GPAM: variants seen among roughly 807,000 people sequenced by gnomAD.
The protein encoded by GPAM is glycerol-3-phosphate acyltransferase 1, mitochondrial.
A neutral mutation model predicts 105.0 loss-of-function variants in GPAM; 56 were observed. That is an observed-to-expected ratio of 0.53 (90% CI 0.43 to 0.67). GPAM has a LOEUF of 0.67. GPAM is among the 30% of genes least tolerant of loss of function. GPAM has a pLI of 0.00. For missense variants in GPAM, 855 were observed against 989.8 expected, an observed-to-expected ratio of 0.86 and a Z score of 1.83; for synonymous variants, 368 against 354.4, an observed-to-expected ratio of 1.04 and a Z score of -0.43.
At chr10:112,204,823 C>T (rs1047843105) in intron 1 of GPAM, among the ~76,000 whole-genome samples, 3 of 143,540 alleles carry the variant, frequency 2.1e-5, no homozygotes, top group African/African-American at 2.6e-5. Flanking sequence ...CCAGGGCAAT[C>T]AGGCAGGAGA....
chr10:112,185,571 GACAC>G (rs55812271), upstream of GPAM, among the ~76,000 whole-genome samples: 7,046 of 143,464 alleles, frequency 0.049, 214 homozygotes, highest in Admixed American at 0.095. Context: ...CACACACACA[GACAC>G]ACACACACAC....
At chr10:112,206,561 T>C (rs1417647558) in intron 1 of GPAM, among the ~76,000 whole-genome samples, 5 of 122,658 alleles carry the variant, frequency 4.1e-5, no homozygotes, top group Non-Finnish European at 6.6e-5. Flanking sequence ...CAGTAAACTA[T>C]CGCAAGAACA....
chr10:112,165,639 G>A (rs947996315), intron 12 of GPAM, among the ~76,000 whole-genome samples: 1 of 152,092 alleles, frequency 6.6e-6, no homozygotes, highest in Admixed American at 6.5e-5. Flanking sequence ...GCAGTGAGCT[G>A]AGATTTCGCC....
rs571755745 is a variant in GPAM, at chr10:112,152,360, C to T, written c.*1190G>A. 2.1e-4 allele frequency: 207 copies of T among 984,682 alleles called. No homozygotes were observed. In the African/African-American group the frequency reaches 3.3e-3, roughly 16 times the overall value. The allele number at this position is 984,682 out of a possible 1,614,324, so 61.0% of individuals were successfully genotyped here. A position where few individuals can be genotyped will look rare whatever the true frequency, so the allele number is the denominator to read the frequency against. On this transcript the variant is annotated 3_prime_UTR_variant, in exon 22 of 22. Transcript: ENST00000348367. ...CAGACCATTTTTCATAATTATTTACCACTATGTGGCATAAGGGTTTAGGCA... is the reference window on the plus strand; with the variant it reads ...CAGACCATTTTTCATAATTATTTACTACTATGTGGCATAAGGGTTTAGGCA...
intron 1 of GPAM, among the ~76,000 whole-genome samples, chr10:112,195,683 T>C (rs527559707): frequency 6.6e-6 from 1 of 152,246 alleles, no homozygotes; most frequent in Admixed American, 6.5e-5. Flanking sequence ...CATTCTTGAC[T>C]TTTCCCCTAC....
chr10:112,175,628 C>A lies in GPAM; in HGVS notation c.385G>T (p.Val129Leu), dbSNP rs1192859285. ...CTGCTGTTCAGCACATTTTCAGTCA[C>A]ATTGGTGGCAAACATGCCCTTATGC... ...DVHKGMFATNVTENVLNSSRV... is the reference protein window; with the variant it reads ...DVHKGMFATNLTENVLNSSRV... Residue 129 changes from valine (V) to leucine (L), a missense_variant, in exon 6 of 22, where the codon GTG (valine) becomes TTG (leucine). By Grantham distance (32) the Val-to-Leu change is conservative. Coordinates refer to ENST00000348367, the MANE Select transcript of GPAM (RefSeq NM_001244949.2). 6.2e-7 allele frequency: 1 copy of A among 1,609,452 alleles called. No individual in the cohort carries two copies. The highest frequency in any genetic ancestry group is 1.3e-5 in the African/African-American group (1 of 74,816).
upstream of GPAM, among the ~76,000 whole-genome samples, chr10:112,185,443 G>T (rs540467951): frequency 6.2e-4 from 90 of 145,400 alleles, no homozygotes; most frequent in Non-Finnish European, 1.1e-3. Context: ...TCAACAAGTA[G>T]AAAAAATAAA....
intron 3 of GPAM, 28 bp from the exon 4 acceptor site, chr10:112,180,623 T>C: frequency 1.3e-6 from 2 of 1,594,608 alleles, no homozygotes; most frequent in Non-Finnish European, 1.7e-6. Flanking sequence ...AAAAATATAG[T>C]TTCTAAATGG....
chr10:112,202,257 T>C (rs2133296247), intron 1 of GPAM, among the ~76,000 whole-genome samples: 1 of 152,374 alleles, frequency 6.6e-6, no homozygotes, highest in Middle Eastern at 3.4e-3. Flanking sequence ...ATCGATGTGC[T>C]GTGTGCCAAT....
upstream of GPAM, among the ~76,000 whole-genome samples, chr10:112,219,037 C>T (rs1847996651): frequency 6.6e-6 from 1 of 152,164 alleles, no homozygotes; most frequent in Non-Finnish European, 1.5e-5. Flanking sequence ...GAATGCCTAA[C>T]CTCTTGGGAA....
intron 1 of GPAM, among the ~76,000 whole-genome samples, chr10:112,200,855 T>C (rs1847789373): frequency 6.6e-6 from 1 of 152,216 alleles, no homozygotes; most frequent in African/African-American, 2.4e-5. Flanking sequence ...CAACTGATTA[T>C]ATCTAAGGCC....
At position 112,173,066 on chromosome 10, in the gene GPAM, T is replaced by G; in HGVS notation, c.561A>C (p.Arg187Ser). 6.4e-7 allele frequency: 1 copy of G among 1,571,382 alleles called. No individual in the cohort carries two copies. The highest frequency in any genetic ancestry group is 8.8e-7 in the Non-Finnish European group (1 of 1,141,198). Residue 187 changes from arginine (R) to serine (S), a missense_variant and splice_region_variant, in exon 8 of 22, where the codon AGA becomes AGC. By Grantham distance (110) the Arg-to-Ser change is moderately radical (BLOSUM62 -1). Coordinates refer to ENST00000348367, the MANE Select transcript of GPAM (RefSeq NM_001244949.2). ...GTTTTAGCAGCACCCACCCAGTCAG[T>G]CTGAAACAAAGTACAAACAAAAAAA... ...MVATVSPAMI[R>S]LTGWVLLKLF...
chr10:112,153,874 T>A (rs1016750705), intron 21 of GPAM: 12 of 506,364 alleles, frequency 2.4e-5, no homozygotes, highest in African/African-American at 1.9e-4. Context: ...TTTCTATTTT[T>A]TTTTTTTTGT....
chr10:112,191,002 C>T (rs890475115), intron 1 of GPAM, among the ~76,000 whole-genome samples: 1 of 152,172 alleles, frequency 6.6e-6, no homozygotes, highest in African/African-American at 2.4e-5. Flanking sequence ...TGTGGCCAAA[C>T]ATCACGGCTT....
At position 112,178,075 on chromosome 10, in the gene GPAM, A is replaced by T. The variant is rs1013630189; in HGVS notation, c.226-18T>A. 1.5e-6 allele frequency: 2 copies of T among 1,348,578 alleles called. No individual in the cohort carries two copies. Among genetic ancestry groups the T allele is most frequent in the Admixed American group, 3.4e-5 (2 of 59,622 alleles). The allele number at this position is 1,348,578 out of a possible 1,614,324, so 83.5% of individuals were successfully genotyped here. A position where few individuals can be genotyped will look rare whatever the true frequency, so the allele number is the denominator to read the frequency against. On this transcript the variant is annotated intron_variant, in intron 4 of 21. Coordinates refer to ENST00000348367, the MANE Select transcript of GPAM (RefSeq NM_001244949.2). ...AATTTGTCCTATATAAAACAAAGTA[A>T]ATGTAGACATAAATACACAACTAGA...
chr10:112,212,422 C>T (rs1847921553), intron 1 of GPAM, among the ~76,000 whole-genome samples: 1 of 152,198 alleles, frequency 6.6e-6, no homozygotes, highest in African/African-American at 2.4e-5. Flanking sequence ...ACAACCTTGC[C>T]TGGCTAATTT....
At chr10:112,214,943 C>T (rs964277140) in intron 1 of GPAM, among the ~76,000 whole-genome samples, 1 of 152,178 alleles carries the variant, frequency 6.6e-6, no homozygotes, top group East Asian at 1.9e-4. Context: ...ACATCACAAA[C>T]GTGCTTGCAC....
chr10:112,192,978 C>T (rs1847680006), intron 1 of GPAM, among the ~76,000 whole-genome samples: 2 of 152,070 alleles, frequency 1.3e-5, no homozygotes, highest in South Asian at 4.2e-4. Flanking sequence ...TGTTAGCTAC[C>T]CTTTATTGAG....
chr10:112,187,462 G>C (rs1272380041), upstream of GPAM, among the ~76,000 whole-genome samples: 2 of 152,062 alleles, frequency 1.3e-5, no homozygotes, highest in Non-Finnish European at 2.9e-5. Flanking sequence ...CAGAAATATA[G>C]AGGATCATTT....
Sources: allele counts gnomAD v4.1 joint callset (sites outside exome capture counted in the v4.1 genomes callset), GRCh38; gene constraint gnomAD v4.1.1; transcripts MANE v1.5; gene names NCBI Gene and HGNC (gene_info 2026-07-23, HGNC 2026-07-21).